Variants in INSR observed in about 807,000 individuals in gnomAD.
INSR encodes the protein insulin receptor.
In INSR, 67 loss-of-function variants were observed where a neutral mutation model predicts 142.6. The ratio of observed to expected loss-of-function variants is 0.47; its 90% confidence interval spans 0.39 to 0.58. The LOEUF is 0.58. Among genes scored for constraint, INSR ranks in the 20% least tolerant of loss-of-function variants. The probability of loss-of-function intolerance (pLI) is 0.00; values close to 1 mark genes in which losing one functional copy is unlikely to be tolerated. For synonymous variants in INSR, 756 were observed against 743.1 expected (o/e 1.02, Z -0.28); for missense variants, 1,248 against 1,833.2 (o/e 0.68, Z 5.83).
Position 7,216,085 on chromosome 19 carries a change from G to A in INSR, c.653-31448C>T, listed in dbSNP as rs936852077. Reference sequence around the variant, plus strand: ...CGCCTATAATCCCAGCACTTTGGGAGGCCAAGGTGAGTGGACCACCTGAGG... The same window carrying A: ...CGCCTATAATCCCAGCACTTTGGGAAGCCAAGGTGAGTGGACCACCTGAGG... On this transcript the variant is annotated intron_variant, in intron 2 of 21. Transcript: ENST00000302850. This position sits in a 1 kb window ranked among gnomAD's most constrained non-coding sequence, Gnocchi z 4.2. Among the ~76,000 whole-genome samples the A allele has an allele frequency of 2.0e-5, 3 of 151,880 alleles. No homozygotes were observed. The highest frequency in any genetic ancestry group is 2.9e-5 in the Non-Finnish European group (2 of 67,982).
chr19:7,198,178 G>C (rs1427822880), intron 2 of INSR, among the ~76,000 whole-genome samples: 1 of 151,778 alleles, frequency 6.6e-6, no homozygotes, highest in African/African-American at 2.4e-5. Flanking sequence ...TCCGCTCCGG[G>C]GAATCCGGCC....
intron 2 of INSR, among the ~76,000 whole-genome samples, chr19:7,188,232 A>C (rs1195981656): frequency 6.6e-6 from 1 of 151,954 alleles, no homozygotes; most frequent in Non-Finnish European, 1.5e-5. Context: ...CATTTTCCTT[A>C]TGGCATGGAT....
At chr19:7,244,548 G>T (rs1177940405) in intron 2 of INSR, among the ~76,000 whole-genome samples, 1 of 134,422 alleles carries the variant, frequency 7.4e-6, no homozygotes, top group Non-Finnish European at 1.5e-5. Flanking sequence ...GAAAAAAAAA[G>T]ATTTGAGCAA....
rs555268942 is a variant in INSR, at chr19:7,131,447, G to C, written c.2842+711C>G. Reference sequence around the variant, plus strand: ...TGCAAGCTCTGCTTCCCGGGTTCCTGAGGCTCCTGCCTCAGCCTCCTGAGT... The same window carrying C: ...TGCAAGCTCTGCTTCCCGGGTTCCTCAGGCTCCTGCCTCAGCCTCCTGAGT... On this transcript the variant is annotated intron_variant, in intron 14 of 21. Coordinates refer to ENST00000302850, the MANE Select transcript of INSR (RefSeq NM_000208.4). Among the ~76,000 whole-genome samples the C allele has an allele frequency of 5.9e-5, 9 of 151,748 alleles. No individual in the cohort carries two copies. In the South Asian group the frequency reaches 1.7e-3, roughly 28 times the overall value.
At chr19:7,199,560 CTTTTTTTTTTTTT>C (rs3084138) in intron 2 of INSR, among the ~76,000 whole-genome samples, 1 of 78,688 alleles carries the variant, frequency 1.3e-5, no homozygotes, top group Non-Finnish European at 2.2e-5. Context: ...ACTGCGACAG[CTTTTTTTTTTTTT>C]TTTTTTTTTG....
At chr19:7,165,095 C>T (rs1322332147) in intron 8 of INSR, among the ~76,000 whole-genome samples, 2 of 152,052 alleles carry the variant, frequency 1.3e-5, no homozygotes, top group Non-Finnish European at 2.9e-5. Context: ...CACTGCACTC[C>T]AGCCTCAGTG....
At chr19:7,220,322 G>C (rs1417682171) in intron 2 of INSR, among the ~76,000 whole-genome samples, 1 of 152,040 alleles carries the variant, frequency 6.6e-6, no homozygotes, top group Non-Finnish European at 1.5e-5. Context: ...ATGGAGTCTC[G>C]CTCTGTCGCC....
intron 2 of INSR, among the ~76,000 whole-genome samples, chr19:7,233,223 A>G (rs1976044695): frequency 6.6e-6 from 1 of 152,000 alleles, no homozygotes; most frequent in Non-Finnish European, 1.5e-5. Context: ...TGGACTCCTG[A>G]CCTCAGGTGA....
At chr19:7,188,271 C>T (rs1009930382) in intron 2 of INSR, among the ~76,000 whole-genome samples, 6 of 152,058 alleles carry the variant, frequency 3.9e-5, no homozygotes, top group Non-Finnish European at 7.3e-5. Flanking sequence ...TGGGGCTGGG[C>T]GCGGGGGCTC....
At chr19:7,206,213 C>G (rs1357052357) in intron 2 of INSR, among the ~76,000 whole-genome samples, 1 of 152,128 alleles carries the variant, frequency 6.6e-6, no homozygotes, top group African/African-American at 2.4e-5. Context: ...GTAACCCAGG[C>G]TGGAGTGCAG....
At position 7,225,699 on chromosome 19, in the gene INSR, TC is replaced by T. The variant is rs59132249; in HGVS notation, c.653-41063del. Among the ~76,000 whole-genome samples the T allele has an allele frequency of 2.5e-5, 3 of 121,858 alleles. No individual in the cohort carries two copies. Among genetic ancestry groups the T allele is most frequent in the East Asian group, 4.1e-4 (1 of 2,460 alleles). 79.9% of individuals were successfully genotyped at this position (121,858 alleles called of 152,430 possible). ...TGATGATGGGCTCTTGGTTTCCATT[TC>T]CCCCCCCTCAAAAAAAGAGCAGAGA... On this transcript the variant is annotated intron_variant, in intron 2 of 21. Transcript: ENST00000302850. This position sits in a 1 kb window ranked among gnomAD's most constrained non-coding sequence, Gnocchi z 4.7.
chr19:7,250,584 G>GGGAA (rs752580974), intron 2 of INSR, among the ~76,000 whole-genome samples: 4 of 136,402 alleles, frequency 2.9e-5, no homozygotes, highest in Non-Finnish European at 6.3e-5. Flanking sequence ...GAAGGAGGGA[G>GGGAA]GGAAGGAAGG....
At chr19:7,210,416 A>G (rs1317232823) in intron 2 of INSR, among the ~76,000 whole-genome samples, 1 of 151,918 alleles carries the variant, frequency 6.6e-6, no homozygotes, top group Non-Finnish European at 1.5e-5. Context: ...CAGCCCCACT[A>G]AAACACACAC....
intron 2 of INSR, among the ~76,000 whole-genome samples, chr19:7,256,785 C>G (rs1440453431): frequency 1.3e-5 from 2 of 151,718 alleles, no homozygotes; most frequent in African/African-American, 4.8e-5. Context: ...TGAATTACAA[C>G]TACTGTGGAA....
rs149536206 is a variant in INSR, at chr19:7,141,784, G to A, written c.2575C>T (p.His859Tyr). 1.9e-4 allele frequency: 310 copies of A among 1,614,126 alleles called. 2 individuals carry two copies. In the African/African-American group the frequency reaches 3.6e-3, roughly 19 times the overall value. ...KADDIVGPVT[H>Y]EIFENNVVHL... is the part of the protein sequence containing the mutation. ...ACGACGTTGTTCTCAAAGATTTCAT[G>A]CGTCACAGGGCCAACAATGTCATCA... The change falls in exon 13 of 22, where the codon CAT becomes TAT. Residue 859 changes from histidine (H) to tyrosine (Y), a missense_variant. His to Tyr is a moderately conservative substitution (Grantham distance 83, BLOSUM62 2). Around this residue, in one of 3 missense-constraint regions of INSR, gnomAD observed 1,069 missense variants for 1,654.0 expected, o/e 0.65. Transcript: ENST00000302850.
At chr19:7,182,363 A>G (rs2144981823) in intron 3 of INSR, among the ~76,000 whole-genome samples, 1 of 151,948 alleles carries the variant, frequency 6.6e-6, no homozygotes, top group African/African-American at 2.4e-5. Flanking sequence ...ACAAAAAAAA[A>G]TTGGCCAGGC....
At chr19:7,197,255 G>C (rs1599989738) in intron 2 of INSR, among the ~76,000 whole-genome samples, 1 of 152,388 alleles carries the variant, frequency 6.6e-6, no homozygotes, top group African/African-American at 2.4e-5. Context: ...ATAGAGGCTA[G>C]AAAGGGAACA....
intron 2 of INSR, among the ~76,000 whole-genome samples, chr19:7,224,197 C>T (rs557756352): frequency 6.6e-6 from 1 of 151,624 alleles, no homozygotes; most frequent in African/African-American, 2.4e-5. Context: ...CTGCCTCAGC[C>T]TCCCAAAGTG....
intron 2 of INSR, among the ~76,000 whole-genome samples, chr19:7,207,996 C>CT: frequency 6.6e-6 from 1 of 151,628 alleles, no homozygotes; most frequent in East Asian, 1.9e-4. Context: ...TTACAAGGAG[C>CT]TTGGCCTTGG....
Sources: allele counts gnomAD v4.1 joint callset (sites outside exome capture counted in the v4.1 genomes callset), GRCh38; gene constraint gnomAD v4.1.1; regional missense constraint gnomAD v4.1.1; non-coding constraint Gnocchi (gnomAD v3.1); transcripts MANE v1.5; gene names NCBI Gene and HGNC (gene_info 2026-07-23, HGNC 2026-07-21).